STAMBPL1: variants seen among roughly 807,000 people sequenced by gnomAD.
The protein encoded by STAMBPL1 is STAM binding protein like 1.
A neutral mutation model predicts 52.9 loss-of-function variants in STAMBPL1; 44 were observed. The observed-to-expected ratio is 0.83, with a 90% CI of 0.65 to 1.07. The LOEUF (loss-of-function observed/expected upper bound fraction) is 1.07. STAMBPL1 is among the 50% of genes least tolerant of loss of function. The pLI, the probability that STAMBPL1 is intolerant of heterozygous loss-of-function variation, is 0.00. For synonymous variants in STAMBPL1, 164 were observed against 177.3 expected (o/e 0.92, Z 0.60); for missense variants, 511 against 520.8 (o/e 0.98, Z 0.18).
intron 1 of STAMBPL1, among the ~76,000 whole-genome samples, chr10:88,900,586 A>C (rs1844920815): frequency 6.6e-6 from 1 of 152,186 alleles, no homozygotes; most frequent in Non-Finnish European, 1.5e-5. Context: ...TTTATGTGCT[A>C]ACTCATTTGA....
Position 88,893,426 on chromosome 10 carries a change from A to G in STAMBPL1, c.-53-8230A>G, listed in dbSNP as rs559604967. 7.9e-5 allele frequency among the ~76,000 whole-genome samples: 12 copies of G among 152,250 alleles called. No homozygotes were observed. In the South Asian group the frequency reaches 2.5e-3, roughly 32 times the overall value. On this transcript the variant is annotated intron_variant, in intron 1 of 10. Transcript: ENST00000371926. ...TATACCATGTAGTCAGTCCACAAAC[A>G]CTGAATCATTCTGCCGATGAAAAAA...
intron 1 of STAMBPL1, among the ~76,000 whole-genome samples, chr10:88,886,178 A>G (rs976909535): frequency 6.6e-6 from 1 of 152,268 alleles, no homozygotes; most frequent in African/African-American, 2.4e-5. Flanking sequence ...CAAAACGTCA[A>G]GGAAAACTAG....
chr10:88,902,492 G>A (rs535734646), intron 2 of STAMBPL1, among the ~76,000 whole-genome samples: 1 of 152,230 alleles, frequency 6.6e-6, no homozygotes, highest in African/African-American at 2.4e-5. Flanking sequence ...TAAATACCCT[G>A]TACGCACAAA....
In STAMBPL1 at chr10:88,914,677, A is replaced by AAT. The variant is rs6144018; in HGVS notation, c.903+36_903+37dup. 170,694 of 827,234 alleles carry AAT rather than the reference A, an allele frequency of 0.21. 8,291 individuals are homozygous for AAT. Among genetic ancestry groups the AAT allele is most frequent in the East Asian group, 0.45 (9,972 of 22,146 alleles). 51.2% of individuals were successfully genotyped at this position (827,234 alleles called of 1,614,324 possible). A position where few individuals can be genotyped will look rare whatever the true frequency, so the allele number is the denominator to read the frequency against. On this transcript the variant is annotated intron_variant, in intron 7 of 10. Coordinates refer to ENST00000371926, the MANE Select transcript of STAMBPL1 (RefSeq NM_020799.4). ...AAAACTGGTATGATCTTTTTATATA[A>AAT]ATATATATATATATATATCTGCATA...
intron 1 of STAMBPL1, among the ~76,000 whole-genome samples, chr10:88,888,051 C>G (rs1287395165): frequency 6.6e-6 from 1 of 152,084 alleles, no homozygotes; most frequent in East Asian, 1.9e-4. Flanking sequence ...ATTGCCTTTC[C>G]TAGTCTTAAT....
intron 8 of STAMBPL1, among the ~76,000 whole-genome samples, chr10:88,920,306 A>T (rs1463730865): frequency 6.6e-6 from 1 of 152,236 alleles, no homozygotes; most frequent in Non-Finnish European, 1.5e-5. Context: ...TCTATGCGCT[A>T]AGCACTGTTC....
At chr10:88,894,310 G>A (rs1844759044) in intron 1 of STAMBPL1, among the ~76,000 whole-genome samples, 1 of 151,986 alleles carries the variant, frequency 6.6e-6, no homozygotes, top group Non-Finnish European at 1.5e-5. Flanking sequence ...GTGTGTTCAT[G>A]CATCCAGTTA....
intron 7 of STAMBPL1, 115 bp downstream of exon 7, chr10:88,914,773 T>A (rs756301261): frequency 9.7e-5 from 37 of 381,518 alleles, no homozygotes; most frequent in Admixed American, 3.0e-4. Flanking sequence ...GAGTTATCAA[T>A]ATTATGAAAT....
intron 3 of STAMBPL1, among the ~76,000 whole-genome samples, chr10:88,906,915 A>T (rs926276792): frequency 6.6e-6 from 1 of 152,320 alleles, no homozygotes; most frequent in African/African-American, 2.4e-5. Flanking sequence ...CTGCATAATT[A>T]TGCAATACAT....
At chr10:88,914,152 AGATAGAAGTAACAT>A in intron 6 of STAMBPL1, among the ~76,000 whole-genome samples, 1 of 152,322 alleles carries the variant, frequency 6.6e-6, no homozygotes, top group Admixed American at 6.5e-5. Flanking sequence ...ACTTTCATGA[AGATAGAAGTAACAT>A]GATAAACACA....
chr10:88,884,234 G>C (rs1844474084), intron 1 of STAMBPL1, among the ~76,000 whole-genome samples: 2 of 152,188 alleles, frequency 1.3e-5, no homozygotes, highest in Non-Finnish European at 2.9e-5. Context: ...CACAAACACA[G>C]CTATTCTCTG....
At position 88,921,180 on chromosome 10, in the gene STAMBPL1, A is replaced by G. The variant is rs112005112; in HGVS notation, c.1042-103A>G. 1.0e-4 allele frequency: 84 copies of G among 815,810 alleles called. No homozygotes were observed. In the African/African-American group the frequency reaches 1.4e-3, roughly 13 times the overall value. The allele number at this position is 815,810 out of a possible 1,614,324, so 50.5% of individuals were successfully genotyped here. ...CTTTTTAAAAATCCTTATTTGATTA[A>G]TGATGGTAAAAACTAAAAAAAAACA... is the stretch of plus-strand genomic sequence containing the variant. On this transcript the variant is annotated intron_variant, in intron 8 of 10. Coordinates refer to ENST00000371926, the MANE Select transcript of STAMBPL1 (RefSeq NM_020799.4).
At chr10:88,890,473 G>A (rs766231881) in intron 1 of STAMBPL1, among the ~76,000 whole-genome samples, 3 of 152,184 alleles carry the variant, frequency 2.0e-5, no homozygotes, top group Admixed American at 1.3e-4. Context: ...CCGCAAAGAC[G>A]GTGAAAACCT....
At chr10:88,894,569 A>G (rs12260182) in intron 1 of STAMBPL1, among the ~76,000 whole-genome samples, 6,098 of 151,770 alleles carry the variant, frequency 0.04, 413 homozygotes, top group African/African-American at 0.14. Flanking sequence ...ATGCACACCT[A>G]GTCTATACTT....
At chr10:88,898,434 T>C (rs1449704669) in intron 1 of STAMBPL1, among the ~76,000 whole-genome samples, 1 of 152,172 alleles carries the variant, frequency 6.6e-6, no homozygotes, top group Non-Finnish European at 1.5e-5. Flanking sequence ...CATACCTGTT[T>C]ATGTTGATCT....
chr10:88,885,623 A>G (rs1398232690), intron 1 of STAMBPL1, among the ~76,000 whole-genome samples: 1 of 152,214 alleles, frequency 6.6e-6, no homozygotes, highest in Non-Finnish European at 1.5e-5. Flanking sequence ...AGTCTCAGGT[A>G]TCTCCCATTG....
rs867992230 is a variant in STAMBPL1, at chr10:88,911,788, G to A, written c.420+777G>A. Among the ~76,000 whole-genome samples the A allele has an allele frequency of 2.6e-5, 4 of 152,288 alleles. No individual in the cohort carries two copies. The Middle Eastern group carries it at 0.01, about 388-fold the overall frequency. The stretch of plus-strand genomic sequence containing the variant: ...GCTGGCTTGAGTGGAGAGTTTTAAC[G>A]AAGTGGTAGAGGGAATGGTGAAATT... On this transcript the variant is annotated intron_variant, in intron 5 of 10. Coordinates refer to ENST00000371926, the MANE Select transcript of STAMBPL1 (RefSeq NM_020799.4).
intron 1 of STAMBPL1, among the ~76,000 whole-genome samples, chr10:88,892,925 G>T (rs1009298629): frequency 6.6e-6 from 1 of 152,200 alleles, no homozygotes; most frequent in Admixed American, 6.5e-5. Context: ...GCAGGAAAAT[G>T]ATGCTATTTC....
chr10:88,920,084 C>T (rs111837248), intron 8 of STAMBPL1, among the ~76,000 whole-genome samples: 9,379 of 152,196 alleles, frequency 0.062, 475 homozygotes, highest in East Asian at 0.17. Context: ...CTCTTGGGCT[C>T]AACTGATCCT....
Sources: gnomAD v4.1 joint callset for allele counts (sites outside exome capture counted in the v4.1 genomes callset) on GRCh38, gnomAD v4.1.1 for gene constraint, MANE v1.5 for transcripts, NCBI Gene and HGNC (gene_info 2026-07-23, HGNC 2026-07-21) for gene names.